PKIB: variants seen among roughly 807,000 people sequenced by gnomAD.
The protein encoded by PKIB is cAMP-dependent protein kinase inhibitor beta.
In PKIB, 2 loss-of-function variants were observed where a neutral mutation model predicts 4.5. The ratio of observed to expected loss-of-function variants is 0.44; its 90% CI spans 0.18 to 1.39. The LOEUF is 1.39. PKIB is among the 40% of genes most tolerant of loss of function. The pLI is 0.27. For missense variants in PKIB, 94 were observed against 92.6 expected (o/e 1.02, Z -0.06); for synonymous variants, 38 against 36.0 (o/e 1.06, Z -0.20).
At chr6:122,483,656 G>A (rs1276161099) in intron 2 of PKIB, 1 of 152,196 alleles carries the variant, frequency 6.6e-6, no homozygotes, top group Non-Finnish European at 1.5e-5. Flanking sequence ...TTAGAAAAAT[G>A]ACAAGAGTCT....
intron 3 of PKIB, among the ~76,000 whole-genome samples, chr6:122,591,166 T>TCCC (rs34828543): frequency 4.6e-4 from 67 of 146,834 alleles, no homozygotes; most frequent in East Asian, 2.6e-3. Flanking sequence ...GCAAGGAAGG[T>TCCC]CCCCCCCCAC....
intron 2 of PKIB, among the ~76,000 whole-genome samples, chr6:122,507,779 C>T (rs991580076): frequency 6.6e-6 from 1 of 151,710 alleles, no homozygotes; most frequent in Non-Finnish European, 1.5e-5. Flanking sequence ...CCCTCTTTCC[C>T]GTGTAATAAC....
upstream of PKIB, among the ~76,000 whole-genome samples, chr6:122,607,136 A>G (rs1774564532): frequency 6.6e-6 from 1 of 151,718 alleles, no homozygotes; most frequent in South Asian, 2.1e-4. Context: ...AAATATTTCA[A>G]TGCAGGGACA....
intron 1 of PKIB, among the ~76,000 whole-genome samples, chr6:122,624,853 A>G (rs993560226): frequency 6.6e-6 from 1 of 152,210 alleles, no homozygotes; most frequent in Non-Finnish European, 1.5e-5. Flanking sequence ...TAAGTGGACT[A>G]AAATGCAAGG....
intron 2 of PKIB, chr6:122,644,162 A>T (rs1423785422): frequency 6.6e-6 from 1 of 152,210 alleles, no homozygotes; most frequent in African/African-American, 2.4e-5. Context: ...AACGTACATC[A>T]TAGTTTAATC....
intron 2 of PKIB, among the ~76,000 whole-genome samples, chr6:122,484,398 C>G (rs1210681276): frequency 1.3e-5 from 2 of 152,112 alleles, no homozygotes; most frequent in Non-Finnish European, 2.9e-5. Flanking sequence ...CACTTTACAT[C>G]TTAACTGAGA....
At chr6:122,694,820 A>C (rs182628280) in intron 3 of PKIB, among the ~76,000 whole-genome samples, 1 of 152,216 alleles carries the variant, frequency 6.6e-6, no homozygotes, top group Non-Finnish European at 1.5e-5. Flanking sequence ...CGAGGTGTAC[A>C]TAGCTGGGAG....
At chr6:122,655,442 C>T (rs567336212) in intron 2 of PKIB, among the ~76,000 whole-genome samples, 10 of 152,274 alleles carry the variant, frequency 6.6e-5, no homozygotes, top group African/African-American at 2.4e-4. Flanking sequence ...CTCTCTTTTC[C>T]TCATGTGAGG....
chr6:122,543,927 C>T (rs551672534), intron 2 of PKIB, among the ~76,000 whole-genome samples: 2 of 152,080 alleles, frequency 1.3e-5, no homozygotes, highest in South Asian at 4.2e-4. Context: ...TGATCCCAAA[C>T]TGATATGAAA....
chr6:122,496,895 C>T (rs1431190913), intron 2 of PKIB, among the ~76,000 whole-genome samples: 1 of 152,042 alleles, frequency 6.6e-6, no homozygotes, highest in East Asian at 1.9e-4. Flanking sequence ...AGATACTATA[C>T]AAAATGAATG....
At chr6:122,701,161 A>G in intron 3 of PKIB, 1 of 307,410 alleles carries the variant, frequency 3.3e-6, no homozygotes, top group East Asian at 6.2e-5. Context: ...AGAGGAGACC[A>G]GAAAGGTCAC....
intron 2 of PKIB, among the ~76,000 whole-genome samples, chr6:122,562,194 G>T (rs1380000965): frequency 6.6e-6 from 1 of 151,790 alleles, no homozygotes; most frequent in Non-Finnish European, 1.5e-5. Context: ...GAAAACGACT[G>T]TATCTTTCCT....
At chr6:122,647,400 T>C (rs1776368642) in intron 2 of PKIB, among the ~76,000 whole-genome samples, 1 of 152,232 alleles carries the variant, frequency 6.6e-6, no homozygotes, top group African/African-American at 2.4e-5. Context: ...GGTTGACGCA[T>C]GAAGCTGATC....
chr6:122,618,443 T>A (rs1358879203), intron 1 of PKIB, among the ~76,000 whole-genome samples: 2 of 152,036 alleles, frequency 1.3e-5, no homozygotes, highest in Non-Finnish European at 2.9e-5. Flanking sequence ...TACTACCAAG[T>A]CCTAACCTTT....
chr6:122,638,157 C>G (rs1173076807), intron 2 of PKIB, among the ~76,000 whole-genome samples: 2 of 152,136 alleles, frequency 1.3e-5, no homozygotes, highest in Non-Finnish European at 2.9e-5. Flanking sequence ...TATTTGCTTC[C>G]TTCCAGAGTA....
At chr6:122,586,040 C>T (rs989805620) in intron 3 of PKIB, 1 of 152,112 alleles carries the variant, frequency 6.6e-6, no homozygotes, top group African/African-American at 2.4e-5. Flanking sequence ...CACGTTTTGT[C>T]ATGTTTATGT....
At chr6:122,475,749 G>T (rs886379981) in intron 1 of PKIB, among the ~76,000 whole-genome samples, 8 of 152,126 alleles carry the variant, frequency 5.3e-5, no homozygotes, top group Non-Finnish European at 1.0e-4. Context: ...TCACGCCACT[G>T]CACTCCAGCC....
intron 2 of PKIB, among the ~76,000 whole-genome samples, chr6:122,669,351 AT>A (rs1777356002): frequency 6.6e-6 from 1 of 152,180 alleles, no homozygotes; most frequent in Admixed American, 6.5e-5. Flanking sequence ...GATTTAAGAC[AT>A]TTAGCCCACA....
In PKIB at chr6:122,705,756, G is replaced by A. The variant is rs1269984479; in HGVS notation, c.-8-12031G>A. On this transcript the variant is annotated intron_variant, in intron 3 of 4. Transcript: ENST00000368452. ...AATTTTTTGTATTTTTAGTAGACAT[G>A]GGGTTTCACCATGTTGGCCAGGATG... Among the ~76,000 whole-genome samples, 7 of 151,992 alleles carry A rather than the reference G, an allele frequency of 4.6e-5. No individual in the cohort carries two copies. In the East Asian group the frequency reaches 1.4e-3, roughly 30 times the overall value.
Sources: gnomAD v4.1 joint callset for allele counts (sites outside exome capture counted in the v4.1 genomes callset) on GRCh38, gnomAD v4.1.1 for gene constraint, MANE v1.5 for transcripts, NCBI Gene and HGNC (gene_info 2026-07-23, HGNC 2026-07-21) for gene names.